The following PRDM16 variants were observed in gnomAD, a reference collection of about 807,000 sequenced individuals.
The protein encoded by PRDM16 is PR/SET domain 16, also known as histone-lysine N-methyltransferase PRDM16.
Under a neutral mutation model 110.6 loss-of-function variants are expected in PRDM16, and 23 were observed. The observed-to-expected ratio is 0.21, with a 90% CI of 0.15 to 0.29. The LOEUF is 0.29. Among genes scored for constraint, PRDM16 ranks in the 10% least tolerant of loss-of-function variants. The pLI is 1.00. For missense variants in PRDM16, 1,615 were observed against 1,794.3 expected, an observed-to-expected ratio of 0.90 and a Z score of 1.81; for synonymous variants, 799 against 781.8, an observed-to-expected ratio of 1.02 and a Z score of -0.37.
At chr1:3,343,808 T>G (rs1642315120) in intron 3 of PRDM16, among the ~76,000 whole-genome samples, 1 of 152,020 alleles carries the variant, frequency 6.6e-6, no homozygotes, top group South Asian at 2.1e-4. Context: ...GCCGGGCTAA[T>G]TTTTTTGTAT....
At chr1:3,141,857 G>A (rs776414046) in intron 1 of PRDM16, among the ~76,000 whole-genome samples, 1 of 152,210 alleles carries the variant, frequency 6.6e-6, no homozygotes, top group Non-Finnish European at 1.5e-5. Flanking sequence ...CGGTCAGATG[G>A]ACCCCAAGAG....
chr1:3,123,659 C>T (rs1370523875), intron 1 of PRDM16, among the ~76,000 whole-genome samples: 1 of 152,236 alleles, frequency 6.6e-6, no homozygotes, highest in Non-Finnish European at 1.5e-5. Context: ...CATCCAAAGG[C>T]CAAGCTGGCG....
At chr1:3,218,796 C>G (rs192408459) in intron 2 of PRDM16, among the ~76,000 whole-genome samples, 1 of 152,362 alleles carries the variant, frequency 6.6e-6, no homozygotes, top group Admixed American at 6.5e-5. Flanking sequence ...GCTCCTCCCC[C>G]AGGTGCACGC....
At chr1:3,072,849 C>A (rs1641800596) in intron 1 of PRDM16, among the ~76,000 whole-genome samples, 1 of 152,260 alleles carries the variant, frequency 6.6e-6, no homozygotes, top group South Asian at 2.1e-4. Context: ...GGCTTGGTGC[C>A]CCACGGCAGT....
At chr1:3,272,607 C>T (rs555887681) in intron 3 of PRDM16, among the ~76,000 whole-genome samples, 2 of 152,330 alleles carry the variant, frequency 1.3e-5, no homozygotes, top group African/African-American at 4.8e-5. Context: ...TCCACCCCAG[C>T]TCCCGTGTGC....
chr1:3,244,018 T>G lies in PRDM16; in HGVS notation c.388-69T>G. On this transcript the variant is annotated intron_variant, in intron 2 of 16. Transcript: ENST00000270722. This position sits in a 1 kb window ranked among gnomAD's most constrained non-coding sequence, Gnocchi z 4.1. ...GGGGACAGTGGTTCTGCCCCCACCA[T>G]TTAGAACCCAGTGTAGCTTGAGAAT... 2 of 1,519,610 alleles carry G rather than the reference T, an allele frequency of 1.3e-6. No homozygotes were observed. Among genetic ancestry groups the G allele is most frequent in the Non-Finnish European group, 1.8e-6 (2 of 1,094,126 alleles). 94.1% of individuals were successfully genotyped at this position (1,519,610 alleles called of 1,614,324 possible).
intron 1 of PRDM16, among the ~76,000 whole-genome samples, chr1:3,138,411 C>T (rs2100696541): frequency 6.6e-6 from 1 of 152,334 alleles, no homozygotes; most frequent in East Asian, 1.9e-4. Flanking sequence ...AACCCTGGGC[C>T]CCCTGTGGTG....
intron 1 of PRDM16, among the ~76,000 whole-genome samples, chr1:3,180,188 G>C (rs922448334): frequency 6.6e-6 from 1 of 150,868 alleles, no homozygotes; most frequent in Admixed American, 6.6e-5. Context: ...GTTTTTGTTT[G>C]TTTGCTTGTT....
At chr1:3,394,538 G>A (rs1398690807) in intron 4 of PRDM16, 2 of 418,760 alleles carry the variant, frequency 4.8e-6, no homozygotes, top group Non-Finnish European at 9.7e-6. Context: ...GCCAAGGGGC[G>A]GGCGGCCAGG....
chr1:3,200,576 C>T (rs1243382530), intron 2 of PRDM16, among the ~76,000 whole-genome samples: 3 of 152,162 alleles, frequency 2.0e-5, no homozygotes, highest in Non-Finnish European at 4.4e-5. Flanking sequence ...TCTTCTGACC[C>T]TGTGATCTGC....
chr1:3,416,066 C>T (rs1569744327), intron 10 of PRDM16, among the ~76,000 whole-genome samples: 1 of 152,332 alleles, frequency 6.6e-6, no homozygotes, highest in East Asian at 1.9e-4. Flanking sequence ...GAAGCCTGAC[C>T]CCCACAGCCT....
chr1:3,392,770 G>A (rs574043541), intron 4 of PRDM16, among the ~76,000 whole-genome samples: 4 of 152,306 alleles, frequency 2.6e-5, no homozygotes, highest in South Asian at 2.1e-4. Context: ...CTGAATGAAC[G>A]TGGCCTGGGC....
intron 4 of PRDM16, among the ~76,000 whole-genome samples, chr1:3,388,416 G>A (rs754022627): frequency 6.6e-6 from 1 of 152,164 alleles, no homozygotes; most frequent in Non-Finnish European, 1.5e-5. Flanking sequence ...AAACAACGTC[G>A]AGTTTGCCAA....
At chr1:3,404,968 C>A in intron 7 of PRDM16, 82 bp downstream of exon 7, 1 of 1,476,636 alleles carries the variant, frequency 6.8e-7, no homozygotes, top group Non-Finnish European at 9.1e-7. Context: ...TCCCTACACC[C>A]CCTGGTCCAA....
chr1:3,279,380 CG>C (rs1394926650), intron 3 of PRDM16, among the ~76,000 whole-genome samples: 2 of 151,922 alleles, frequency 1.3e-5, no homozygotes, highest in Non-Finnish European at 2.9e-5. Context: ...CGCGGTGCCT[CG>C]GGGCAGCTGT....
rs146951763 is a variant in PRDM16 at position 3,077,764 on chromosome 1, C to T, written c.37+8468C>T. 2.0e-4 allele frequency among the ~76,000 whole-genome samples: 31 copies of T among 152,254 alleles called. 1 individual carries two copies. The East Asian group carries it at 5.6e-3, about 28-fold the overall frequency. On this transcript the variant is annotated intron_variant, in intron 1 of 16. Coordinates refer to ENST00000270722, the MANE Select transcript of PRDM16 (RefSeq NM_022114.4). ...CTGCAGGTGCTCACAGGCCAGGCCC[C>T]GTGCGTGGACCACCAGCACTGTATC...
In PRDM16 at chr1:3,411,043, C is replaced by T. The variant is rs566040603; in HGVS notation, c.1187-341C>T. Among the ~76,000 whole-genome samples, 351 of 149,506 alleles carry T rather than the reference C, an allele frequency of 2.3e-3. 1 individual carries two copies. The highest frequency in any genetic ancestry group is 8.0e-3 in the African/African-American group (327 of 40,648). Reference sequence around the variant, plus strand: ...CACTGGAGGCCAGTCTTGGGTGGGGCGCATGCACACACACATATGTTTCCA... The same window carrying T: ...CACTGGAGGCCAGTCTTGGGTGGGGTGCATGCACACACACATATGTTTCCA... On this transcript the variant is annotated intron_variant, in intron 8 of 16. Coordinates refer to ENST00000270722, the MANE Select transcript of PRDM16 (RefSeq NM_022114.4).
In PRDM16 at chr1:3,353,993, C is replaced by G. The variant is rs1328287243; in HGVS notation, c.439-31159C>G. ...AGAGAAAAGGGAAGTGTGGCCAACTCTGGACTCCCAGTAGCTTTCTCCTGC... is the reference window on the plus strand; with the variant it reads ...AGAGAAAAGGGAAGTGTGGCCAACTGTGGACTCCCAGTAGCTTTCTCCTGC... On this transcript the variant is annotated intron_variant, in intron 3 of 16. Coordinates refer to ENST00000270722, the MANE Select transcript of PRDM16 (RefSeq NM_022114.4). The surrounding 1 kb of genome is among the most constrained non-coding windows in gnomAD (Gnocchi z 5.4). Among the ~76,000 whole-genome samples the G allele has an allele frequency of 2.6e-5, 4 of 152,192 alleles. No individual in the cohort carries two copies. Among genetic ancestry groups the G allele is most frequent in the Non-Finnish European group, 4.4e-5 (3 of 68,034 alleles).
In PRDM16 at chr1:3,402,825, A is replaced by G; in HGVS notation, c.711A>G (p.Glu237=). The change falls in exon 6 of 17, where the codon GAA becomes GAG. Residue 237 remains glutamate, a synonymous_variant. Coordinates refer to ENST00000270722, the MANE Select transcript of PRDM16 (RefSeq NM_022114.4). ...EPTFRCDECD[E]LFQSKLDLRR... is the part of the protein sequence containing the mutation. The stretch of plus-strand genomic sequence containing the variant: ...CGTTCCGCTGTGACGAGTGTGACGA[A>G]CTCTTCCAGTCCAAGCTGGACCTGC... 5 of 1,612,636 alleles carry G rather than the reference A, an allele frequency of 3.1e-6. No individual in the cohort carries two copies. The highest frequency in any genetic ancestry group is 1.1e-5 in the South Asian group (1 of 91,068).
Sources: allele counts gnomAD v4.1 joint callset (sites outside exome capture counted in the v4.1 genomes callset), GRCh38; gene constraint gnomAD v4.1.1; non-coding constraint Gnocchi (gnomAD v3.1); transcripts MANE v1.5; gene names NCBI Gene and HGNC (gene_info 2026-07-23, HGNC 2026-07-21).